MALRD1: variants seen among roughly 807,000 people sequenced by gnomAD.
MALRD1 encodes MAM and LDL receptor class A domain containing 1, also known as MAM and LDL-receptor class A domain-containing protein 1.
A neutral mutation model predicts 242.1 loss-of-function variants in MALRD1; 247 were observed. The ratio of observed to expected loss-of-function variants is 1.02; its 90% confidence interval spans 0.92 to 1.13. The LOEUF (loss-of-function observed/expected upper bound fraction) is 1.13, where lower values mean the gene tolerates loss of function less well. MALRD1 is among the 50% of genes most tolerant of loss of function. MALRD1 has a pLI of 0.00. For missense variants in MALRD1, 2,989 were observed against 2,533.1 expected (o/e 1.18, Z -3.86); for synonymous variants, 995 against 866.6 (o/e 1.15, Z -2.60).
intron 28 of MALRD1, among the ~76,000 whole-genome samples, chr10:19,403,920 T>C (rs577308117): frequency 6.6e-6 from 1 of 152,116 alleles, no homozygotes. Flanking sequence ...ATTTTCTTGG[T>C]AGTCAAAAGA....
intron 32 of MALRD1, among the ~76,000 whole-genome samples, chr10:19,541,409 A>C (rs1169994468): frequency 6.6e-6 from 1 of 152,230 alleles, no homozygotes; most frequent in Non-Finnish European, 1.5e-5. Context: ...AGCATGTCTT[A>C]CTATTTTCAG....
chr10:19,125,322 CTTCTTTCTTTCTTTCTTTCTTTCTTTCT>C (rs1200202607), intron 7 of MALRD1, among the ~76,000 whole-genome samples: 1 of 63,752 alleles, frequency 1.6e-5, no homozygotes, highest in Non-Finnish European at 3.4e-5. Context: ...TCCTTCCTTC[CTTCTTTCTTTCTTTCTTTCTTTCTTTCT>C]TTCTTTCTTT....
chr10:19,712,103 A>G (rs1001732556), intron 38 of MALRD1, among the ~76,000 whole-genome samples: 1 of 152,164 alleles, frequency 6.6e-6, no homozygotes, highest in Non-Finnish European at 1.5e-5. Flanking sequence ...TAAGACAAAT[A>G]TCAATTTCTA....
intron 38 of MALRD1, among the ~76,000 whole-genome samples, chr10:19,717,473 T>C (rs1193088071): frequency 6.6e-6 from 1 of 152,104 alleles, no homozygotes; most frequent in African/African-American, 2.4e-5. Flanking sequence ...ATACCAGCAG[T>C]TTTCCCCTCC....
chr10:19,128,056 C>T (rs941177087), intron 7 of MALRD1, among the ~76,000 whole-genome samples, 165 bp from the exon 8 acceptor site: 3 of 151,916 alleles, frequency 2.0e-5, no homozygotes, highest in African/African-American at 7.3e-5. Flanking sequence ...AAATGAAAAC[C>T]TGTTATTTGT....
chr10:19,132,925 T>C (rs148036933), intron 8 of MALRD1, among the ~76,000 whole-genome samples: 1 of 151,990 alleles, frequency 6.6e-6, no homozygotes, highest in Non-Finnish European at 1.5e-5. Flanking sequence ...GAGTACCTTA[T>C]AGACTTTTTT....
chr10:19,540,621 C>T lies in MALRD1; in HGVS notation c.5478+9270C>T, dbSNP rs543640008. Among the ~76,000 whole-genome samples, 8 of 152,124 alleles carry T rather than the reference C, an allele frequency of 5.3e-5. No homozygotes were observed. In the South Asian group the frequency reaches 1.7e-3, roughly 32 times the overall value. On this transcript the variant is annotated intron_variant, in intron 32 of 39. Transcript: ENST00000454679. Reference sequence around the variant, plus strand: ...CCTTGTTAATGAGCTGCTAAAAAGGCTCTGGTTATTCTCATGAGATGTTAC... The same window carrying T: ...CCTTGTTAATGAGCTGCTAAAAAGGTTCTGGTTATTCTCATGAGATGTTAC...
At chr10:19,536,079 A>C (rs1834661215) in intron 32 of MALRD1, among the ~76,000 whole-genome samples, 1 of 152,182 alleles carries the variant, frequency 6.6e-6, no homozygotes, top group African/African-American at 2.4e-5. Flanking sequence ...AAGGTTATGC[A>C]TTCCCTGCCC....
intron 28 of MALRD1, among the ~76,000 whole-genome samples, chr10:19,430,260 A>G (rs2496106): frequency 0.79 from 118,974 of 150,688 alleles, 47,589 homozygotes; most frequent in African/African-American, 0.92. Flanking sequence ...GACTACAGGC[A>G]CCCACCACCA....
intron 21 of MALRD1, among the ~76,000 whole-genome samples, chr10:19,321,295 T>G (rs949848774): frequency 6.6e-6 from 1 of 152,160 alleles, no homozygotes; most frequent in Non-Finnish European, 1.5e-5. Context: ...TGTGTTGGGA[T>G]TTCATTTAAT....
intron 26 of MALRD1, among the ~76,000 whole-genome samples, chr10:19,359,832 C>T (rs1376009493): frequency 6.6e-6 from 1 of 151,634 alleles, no homozygotes; most frequent in African/African-American, 2.4e-5. Flanking sequence ...TTTATATAAA[C>T]ATGTAATGTT....
chr10:19,506,871 C>T (rs1833167557), intron 31 of MALRD1, among the ~76,000 whole-genome samples: 1 of 152,044 alleles, frequency 6.6e-6, no homozygotes, highest in South Asian at 2.1e-4. Flanking sequence ...TTAGGCCATC[C>T]TTGCATTGCT....
chr10:19,225,194 A>G (rs1187186393), intron 18 of MALRD1, among the ~76,000 whole-genome samples: 1 of 152,138 alleles, frequency 6.6e-6, no homozygotes, highest in Non-Finnish European at 1.5e-5. Context: ...ACAAGCGTAT[A>G]TGGGATGAAT....
intron 4 of MALRD1, 51 bp downstream of exon 4, chr10:19,088,236 G>A (rs953577571): frequency 4.8e-5 from 59 of 1,217,380 alleles, no homozygotes; most frequent in Non-Finnish European, 5.2e-5. Context: ...ATAAGATACA[G>A]ATCTTTAACA....
At chr10:19,537,902 A>G (rs1034364944) in intron 32 of MALRD1, among the ~76,000 whole-genome samples, 1 of 152,182 alleles carries the variant, frequency 6.6e-6, no homozygotes, top group Non-Finnish European at 1.5e-5. Flanking sequence ...GAGAAAAGTG[A>G]AGATGATTTC....
At chr10:19,053,607 T>C (rs1245009663) in intron 1 of MALRD1, among the ~76,000 whole-genome samples, 1 of 152,186 alleles carries the variant, frequency 6.6e-6, no homozygotes, top group South Asian at 2.1e-4. Flanking sequence ...TTTTGTTTTT[T>C]TAGTATTTGT....
intron 14 of MALRD1, among the ~76,000 whole-genome samples, chr10:19,187,811 G>C (rs182474219): frequency 6.6e-6 from 1 of 152,290 alleles, no homozygotes; most frequent in Admixed American, 6.5e-5. Context: ...GACTACAGGA[G>C]GGTGGAGAGG....
At chr10:19,536,687 A>G (rs1274966803) in intron 32 of MALRD1, among the ~76,000 whole-genome samples, 1 of 149,828 alleles carries the variant, frequency 6.7e-6, no homozygotes, top group Non-Finnish European at 1.5e-5. Context: ...ACAAAATAAT[A>G]AAAAAAAAAT....
intron 14 of MALRD1, among the ~76,000 whole-genome samples, chr10:19,201,597 C>T (rs982995353): frequency 2.0e-5 from 3 of 152,290 alleles, no homozygotes; most frequent in African/African-American, 4.8e-5. Context: ...AAAGCATTTG[C>T]TTCCCAGGTA....
Sources: allele counts gnomAD v4.1 joint callset (sites outside exome capture counted in the v4.1 genomes callset), GRCh38; gene constraint gnomAD v4.1.1; transcripts MANE v1.5; gene names NCBI Gene and HGNC (gene_info 2026-07-23, HGNC 2026-07-21).